The following FARP1 variants were observed in gnomAD, a reference collection of about 807,000 sequenced individuals.
FARP1 encodes FERM, ARHGEF and pleckstrin domain-containing protein 1.
Under a neutral mutation model 128.8 loss-of-function variants are expected in FARP1, and 52 were observed. The observed-to-expected ratio is 0.40, with a 90% CI of 0.32 to 0.51. FARP1 has a LOEUF of 0.51. Ranked by LOEUF, FARP1 falls within the 20% of genes least tolerant of loss-of-function variation. The pLI is 0.45. For synonymous variants in FARP1, 580 were observed against 551.8 expected (o/e 1.05, Z -0.72); for missense variants, 1,333 against 1,367.9 (o/e 0.97, Z 0.40).
chr13:98,411,897 C>A lies in FARP1; in HGVS notation c.1693-4C>A. The A allele has an allele frequency of 6.2e-7, 1 of 1,613,600 alleles. No individual in the cohort carries two copies. On this transcript the variant is annotated splice_polypyrimidine_tract_variant and splice_region_variant and intron_variant, in intron 15 of 26. Transcript: ENST00000319562. ...CCGTAAGTGCATCGTCTTCTTCTTT[C>A]CAGTGGTTTCAGAGCACAGTGAGCA...
At chr13:98,378,959 ATATATACAATATATAATC>A (rs1411255625) in intron 6 of FARP1, among the ~76,000 whole-genome samples, 5 of 98,356 alleles carry the variant, frequency 5.1e-5, no homozygotes, top group African/African-American at 1.7e-4. Flanking sequence ...TATATATATA[ATATATACAATATATAATC>A]TATATATAAT....
At chr13:98,248,428 A>G (rs1883172438) in intron 2 of FARP1, among the ~76,000 whole-genome samples, 1 of 152,176 alleles carries the variant, frequency 6.6e-6, no homozygotes, top group African/African-American at 2.4e-5. Flanking sequence ...GACATAATAC[A>G]GTATCCTTTT....
In FARP1 at chr13:98,176,343, G is replaced by A. The variant is rs1322457324; in HGVS notation, c.-24+32851G>A. On this transcript the variant is annotated intron_variant, in intron 1 of 26. Coordinates refer to ENST00000319562, the MANE Select transcript of FARP1 (RefSeq NM_005766.4). The surrounding 1 kb of genome is among the most constrained non-coding windows in gnomAD (Gnocchi z 6.2). ...GTTCTTTGGCGGGGTTAAAGATGCC[G>A]CCGGTTGGCTGGTCACAGATGTAGC... 6.2e-7 allele frequency: 1 copy of A among 1,613,872 alleles called. No individual in the cohort carries two copies. The highest frequency in any genetic ancestry group is 1.3e-5 in the African/African-American group (1 of 74,926).
chr13:98,250,528 G>A (rs1318498608), intron 2 of FARP1, among the ~76,000 whole-genome samples: 3 of 151,982 alleles, frequency 2.0e-5, no homozygotes, highest in East Asian at 1.9e-4. Flanking sequence ...TGAGACCAGC[G>A]TGGCTAACAT....
Position 98,268,414 on chromosome 13 carries a change from A to T in FARP1, c.171+55001A>T, listed in dbSNP as rs776717893. ...GCAGGAAGAGATACTGGCCAGCAGA[A>T]ACCTCTTCCCACTCCCCAAAGCACA... On this transcript the variant is annotated intron_variant, in intron 2 of 26. Transcript: ENST00000319562. Among the ~76,000 whole-genome samples the T allele has an allele frequency of 3.3e-5, 5 of 152,158 alleles. No homozygotes were observed. In the South Asian group the frequency reaches 6.2e-4, roughly 19 times the overall value.
intron 1 of FARP1, among the ~76,000 whole-genome samples, chr13:98,179,191 G>C (rs1272520227): frequency 6.9e-6 from 1 of 144,414 alleles, no homozygotes; most frequent in Admixed American, 7.3e-5. Flanking sequence ...AAGGTGAAAG[G>C]CATGTCTCGC....
rs373800701 is a variant in FARP1, at chr13:98,417,008, A to C, written c.1826+4974A>C. Among the ~76,000 whole-genome samples the C allele has an allele frequency of 1.6e-3, 237 of 152,292 alleles. 2 individuals are homozygous for C. Among genetic ancestry groups the C allele is most frequent in the Middle Eastern group, 0.01 (3 of 294 alleles). On this transcript the variant is annotated intron_variant, in intron 16 of 26. Coordinates refer to ENST00000319562, the MANE Select transcript of FARP1 (RefSeq NM_005766.4). ...CTGGCTGGGAGGACCAGACTGACTG[A>C]ATGTCGAGATATCACTGAGCAGCCA...
At chr13:98,293,761 G>A (rs557912123) in intron 2 of FARP1, among the ~76,000 whole-genome samples, 27 of 152,292 alleles carry the variant, frequency 1.8e-4, no homozygotes, top group Non-Finnish European at 2.8e-4. Context: ...GGGATTTATC[G>A]GGTTAACATG....
intron 1 of FARP1, among the ~76,000 whole-genome samples, chr13:98,171,165 A>T (rs1239925798): frequency 6.6e-6 from 1 of 152,106 alleles, no homozygotes; most frequent in East Asian, 1.9e-4. Context: ...TCAATTCCCA[A>T]CACCTCGTGC....
intron 2 of FARP1, chr13:98,330,053 G>C (rs1887431521): frequency 6.6e-6 from 1 of 152,386 alleles, no homozygotes; most frequent in Admixed American, 6.5e-5. Context: ...AGCCTGACGT[G>C]AGCAAAGCGA....
chr13:98,343,318 C>T (rs745622976), intron 2 of FARP1, among the ~76,000 whole-genome samples: 1 of 152,178 alleles, frequency 6.6e-6, no homozygotes, highest in African/African-American at 2.4e-5. Flanking sequence ...TAGAACTTTA[C>T]AGCACACGGA....
At chr13:98,389,703 T>G in intron 9 of FARP1, 1 of 388,008 alleles carries the variant, frequency 2.6e-6, no homozygotes. Context: ...ATGGTGTCAC[T>G]TCCATTGAAG....
Position 98,176,014 on chromosome 13 carries a change from G to C in FARP1, c.-24+32522G>C. ...TGGCTTTTGCAAATAATTCTGCAGTGAACATGGGAGTGCACATACCTCTTT... is the reference window on the plus strand; with the variant it reads ...TGGCTTTTGCAAATAATTCTGCAGTCAACATGGGAGTGCACATACCTCTTT... On this transcript the variant is annotated intron_variant, in intron 1 of 26. Transcript: ENST00000319562. The surrounding 1 kb of genome is among the most constrained non-coding windows in gnomAD (Gnocchi z 6.2). 1 of 729,640 alleles carries C rather than the reference G, an allele frequency of 1.4e-6. No homozygotes were observed. The highest frequency in any genetic ancestry group is 2.3e-6 in the Non-Finnish European group (1 of 430,444). 45.2% of individuals were successfully genotyped at this position (729,640 alleles called of 1,614,324 possible).
chr13:98,358,781 A>C (rs1245660581), intron 3 of FARP1, among the ~76,000 whole-genome samples: 1 of 151,860 alleles, frequency 6.6e-6, no homozygotes, highest in Non-Finnish European at 1.5e-5. Context: ...GACTACAGGC[A>C]CCTGCCACCA....
chr13:98,430,847 G>A lies in FARP1; in HGVS notation c.1906-196G>A, dbSNP rs565965274. Among the ~76,000 whole-genome samples the A allele has an allele frequency of 3.3e-5, 5 of 152,256 alleles. No individual in the cohort carries two copies. The South Asian group carries it at 1.0e-3, about 32-fold the overall frequency. On this transcript the variant is annotated intron_variant, in intron 17 of 26. Coordinates refer to ENST00000319562, the MANE Select transcript of FARP1 (RefSeq NM_005766.4). ...TTTAAACTGCTCAGTACCTTAATAG[G>A]CCTTTTTATTTCATCCTGAGAACTT...
At chr13:98,347,572 C>T (rs1483913463) in intron 3 of FARP1, among the ~76,000 whole-genome samples, 2 of 152,176 alleles carry the variant, frequency 1.3e-5, no homozygotes, top group Non-Finnish European at 2.9e-5. Flanking sequence ...CAAGCTTTCC[C>T]TCCATTTTAA....
At chr13:98,322,575 C>T (rs543934534) in intron 2 of FARP1, among the ~76,000 whole-genome samples, 5 of 148,834 alleles carry the variant, frequency 3.4e-5, no homozygotes, top group Admixed American at 6.7e-5. Context: ...GCTCCTTAGC[C>T]GAGTACAGTT....
At chr13:98,343,905 G>C (rs1298177593) in intron 3 of FARP1, 39 bp downstream of exon 3, 1 of 1,319,798 alleles carries the variant, frequency 7.6e-7, no homozygotes, top group Non-Finnish European at 1.1e-6. Flanking sequence ...TTTACTGTCT[G>C]TTCATCTTGG....
chr13:98,227,037 TTC>T (rs71731087), intron 2 of FARP1, among the ~76,000 whole-genome samples: 4,178 of 152,060 alleles, frequency 0.027, 76 homozygotes, highest in Middle Eastern at 0.051. Flanking sequence ...GCCTCCCGGG[TTC>T]ACGTCATTCT....
Sources: allele counts gnomAD v4.1 joint callset (sites outside exome capture counted in the v4.1 genomes callset), GRCh38; gene constraint gnomAD v4.1.1; non-coding constraint Gnocchi (gnomAD v3.1); transcripts MANE v1.5; gene names NCBI Gene and HGNC (gene_info 2026-07-23, HGNC 2026-07-21).